The following POLN variants were observed in gnomAD, a reference collection of about 807,000 sequenced individuals.
POLN encodes DNA polymerase N.
A neutral mutation model predicts 113.5 loss-of-function variants in POLN; 108 were observed. The ratio of observed to expected loss-of-function variants is 0.95; its 90% CI spans 0.81 to 1.12. The LOEUF is 1.12. Among genes scored for constraint, POLN ranks in the 50% most tolerant of loss-of-function variants. The probability of loss-of-function intolerance (pLI) is 0.00; values close to 1 mark genes in which losing one functional copy is unlikely to be tolerated. For missense variants in POLN, 1,097 were observed against 1,077.1 expected (o/e 1.02, Z -0.26); for synonymous variants, 386 against 391.5 (o/e 0.99, Z 0.17).
At chr4:2,107,977 T>G (rs1011562596) in intron 19 of POLN, among the ~76,000 whole-genome samples, 1 of 152,196 alleles carries the variant, frequency 6.6e-6, no homozygotes, top group Non-Finnish European at 1.5e-5. Flanking sequence ...ACCTTTGCGA[T>G]GCTCTTCATC....
At chr4:2,130,292 G>A (rs1731692106) in intron 17 of POLN, among the ~76,000 whole-genome samples, 1 of 142,092 alleles carries the variant, frequency 7.0e-6, no homozygotes, top group Non-Finnish European at 1.6e-5. Flanking sequence ...GAGGGGAGGA[G>A]AGGGGAGGGG....
chr4:2,086,897 T>G (rs934557728), intron 20 of POLN, among the ~76,000 whole-genome samples: 7 of 152,136 alleles, frequency 4.6e-5, no homozygotes, highest in African/African-American at 1.7e-4. Flanking sequence ...GGTGAAGGTG[T>G]GGGGTCTGTG....
At chr4:2,104,840 G>A (rs1379331260) in intron 19 of POLN, among the ~76,000 whole-genome samples, 3 of 152,214 alleles carry the variant, frequency 2.0e-5, no homozygotes, top group East Asian at 1.9e-4. Flanking sequence ...ACTTCTCAGT[G>A]TGAGTTTCTG....
At chr4:2,119,426 C>CGT (rs36119421) in intron 19 of POLN, among the ~76,000 whole-genome samples, 126,982 of 151,284 alleles carry the variant, frequency 0.84, 53,900 homozygotes, top group Non-Finnish European at 0.9. Flanking sequence ...TGTGTGCACA[C>CGT]GTGTGTGTGT....
chr4:2,097,957 C>G (rs571648402), intron 19 of POLN, among the ~76,000 whole-genome samples: 7 of 152,242 alleles, frequency 4.6e-5, no homozygotes, highest in Admixed American at 3.9e-4. Context: ...CCCCACCATT[C>G]TTGCTGACAT....
chr4:2,205,512 C>T (rs925457168), intron 5 of POLN, among the ~76,000 whole-genome samples: 3 of 152,096 alleles, frequency 2.0e-5, no homozygotes, highest in African/African-American at 7.2e-5. Context: ...GACCATACTG[C>T]CAAAAGCAAT....
chr4:2,157,027 C>T (rs566905179), intron 15 of POLN, among the ~76,000 whole-genome samples, 174 bp from the exon 16 acceptor site: 13 of 152,304 alleles, frequency 8.5e-5, no homozygotes, highest in East Asian at 3.9e-4. Context: ...ACTCCTGACA[C>T]GTGATCAGGG....
intron 17 of POLN, among the ~76,000 whole-genome samples, chr4:2,130,295 G>T (rs1484489593): frequency 6.9e-6 from 1 of 145,518 alleles, no homozygotes; most frequent in East Asian, 2.1e-4. Context: ...GGGAGGAGAG[G>T]GGAGGGGAGG....
chr4:2,235,012 A>G (rs970517670), intron 2 of POLN, among the ~76,000 whole-genome samples: 3 of 152,152 alleles, frequency 2.0e-5, no homozygotes, highest in African/African-American at 7.2e-5. Context: ...CAGCCTCCCA[A>G]GTAGCTGGGA....
At chr4:2,186,697 G>A (rs753388978) in intron 7 of POLN, among the ~76,000 whole-genome samples, 8 of 152,162 alleles carry the variant, frequency 5.3e-5, no homozygotes, top group Non-Finnish European at 1.0e-4. Context: ...ATCCTTCAAT[G>A]CAAAGAAATA....
chr4:2,210,978 C>T lies in POLN; in HGVS notation c.213+2069G>A, dbSNP rs374137292. On this transcript the variant is annotated intron_variant, in intron 4 of 25. Coordinates refer to ENST00000511885, the MANE Select transcript of POLN (RefSeq NM_181808.4). Reference sequence around the variant, plus strand: ...ATAAATAAATAAAATAGTCCAGGCACGGTGGCTCATGCCTTTAATCCCAAC... The same window carrying T: ...ATAAATAAATAAAATAGTCCAGGCATGGTGGCTCATGCCTTTAATCCCAAC... 9.4e-5 allele frequency among the ~76,000 whole-genome samples: 14 copies of T among 149,636 alleles called. No homozygotes were observed. The East Asian group carries it at 9.7e-4, about 10-fold the overall frequency.
chr4:2,139,079 T>C (rs1731931990), intron 16 of POLN, among the ~76,000 whole-genome samples: 1 of 151,926 alleles, frequency 6.6e-6, no homozygotes, highest in Admixed American at 6.5e-5. Flanking sequence ...TGAGCACCCT[T>C]GACCACAACA....
At chr4:2,143,446 C>A (rs1419042265) in intron 16 of POLN, among the ~76,000 whole-genome samples, 1 of 152,104 alleles carries the variant, frequency 6.6e-6, no homozygotes, top group Non-Finnish European at 1.5e-5. Context: ...ACAACTTAGA[C>A]AAAATGGACC....
At chr4:2,073,165 C>T in intron 24 of POLN, 136 bp from the exon 25 acceptor site, 2 of 764,498 alleles carry the variant, frequency 2.6e-6, no homozygotes, top group Non-Finnish European at 4.3e-6. Flanking sequence ...ACTCGGTCAC[C>T]TGAACCAGCT....
chr4:2,167,664 C>T (rs771172166), intron 13 of POLN, among the ~76,000 whole-genome samples: 1 of 152,056 alleles, frequency 6.6e-6, no homozygotes. Flanking sequence ...TTTGGGAGGC[C>T]GAGGTGGGCA....
At chr4:2,092,180 G>A (rs575852934) in intron 20 of POLN, among the ~76,000 whole-genome samples, 3 of 152,258 alleles carry the variant, frequency 2.0e-5, no homozygotes, top group South Asian at 2.1e-4. Context: ...TGACAGGTGC[G>A]AGCCCCTCGG....
Position 2,096,718 on chromosome 4 carries a change from GAGAGAGAGAGAGAC to G in POLN, c.1983-799_1983-786del, listed in dbSNP as rs1272316690. Among the ~76,000 whole-genome samples the G allele has an allele frequency of 3.3e-5, 5 of 150,890 alleles. No homozygotes were observed. In the East Asian group the frequency reaches 7.8e-4, roughly 23 times the overall value. Reference sequence around the variant, plus strand: ...AGAGAGAGAGAGAGAGAGAGAGAGAGAGAGAGAGAGAGACACACAGAGAGAAACAGAAAAAGTAA... The same window carrying G: ...AGAGAGAGAGAGAGAGAGAGAGAGAGACACAGAGAGAAACAGAAAAAGTAA... On this transcript the variant is annotated intron_variant, in intron 19 of 25. Transcript: ENST00000511885.
intron 13 of POLN, 25 bp downstream of exon 13, chr4:2,170,653 GA>G: frequency 6.3e-7 from 1 of 1,590,086 alleles, no homozygotes; most frequent in Non-Finnish European, 8.6e-7. Context: ...ATTCTAAAAA[GA>G]AAAAGGATAA....
chr4:2,226,003 T>C (rs538996829), intron 3 of POLN, among the ~76,000 whole-genome samples: 6 of 150,882 alleles, frequency 4.0e-5, no homozygotes, highest in Non-Finnish European at 8.9e-5. Context: ...AAAAAAAAAG[T>C]AAGTTTATCT....
Sources: allele counts gnomAD v4.1 joint callset (sites outside exome capture counted in the v4.1 genomes callset), GRCh38; gene constraint gnomAD v4.1.1; transcripts MANE v1.5; gene names NCBI Gene and HGNC (gene_info 2026-07-23, HGNC 2026-07-21).